MARCHF11: variants seen among roughly 807,000 people sequenced by gnomAD.
The protein encoded by MARCHF11 is E3 ubiquitin-protein ligase MARCHF11.
A neutral mutation model predicts 37.3 loss-of-function variants in MARCHF11; 29 were observed. That is an observed-to-expected ratio of 0.78 (90% CI 0.58 to 1.06). The LOEUF (loss-of-function observed/expected upper bound fraction) is 1.06, where lower values mean the gene tolerates loss of function less well. Among genes scored for constraint, MARCHF11 ranks in the 50% least tolerant of loss-of-function variants. The probability of loss-of-function intolerance (pLI) is 0.00; values close to 1 mark genes in which losing one functional copy is unlikely to be tolerated. For missense variants in MARCHF11, 482 were observed against 533.4 expected, an observed-to-expected ratio of 0.90 and a Z score of 0.95; for synonymous variants, 233 against 228.0, an observed-to-expected ratio of 1.02 and a Z score of -0.20.
In MARCHF11 at chr5:16,085,769, G is replaced by A. The variant is rs192538970; in HGVS notation, c.886+5120C>T. On this transcript the variant is annotated intron_variant, in intron 3 of 3. Coordinates refer to ENST00000332432, the MANE Select transcript of MARCHF11 (RefSeq NM_001102562.3). ...AGATCGAGATCATCCTGGCTAACAC[G>A]GTGAAACCCCGTCTCTACTAAAAAT... 1.6e-3 allele frequency among the ~76,000 whole-genome samples: 241 copies of A among 151,682 alleles called. 5 individuals carry two copies. The East Asian group carries it at 0.039, about 25-fold the overall frequency.
rs1460409134 is a variant in MARCHF11, at chr5:16,067,932, ATAT to A, written c.887-142_887-140del. ...AAAATACAGTATTCTGTTTACTCAAATATTATGGCTAATGGCAAGTTACTACCC... is the reference window on the plus strand; with the variant it reads ...AAAATACAGTATTCTGTTTACTCAAATATGGCTAATGGCAAGTTACTACCC... On this transcript the variant is annotated intron_variant, in intron 3 of 3. Coordinates refer to ENST00000332432, the MANE Select transcript of MARCHF11 (RefSeq NM_001102562.3). The A allele has an allele frequency of 5.2e-6, 4 of 773,104 alleles. No homozygotes were observed. The East Asian group carries it at 1.1e-4, about 21-fold the overall frequency. 47.9% of individuals were successfully genotyped at this position (773,104 alleles called of 1,614,324 possible).
intron 2 of MARCHF11, among the ~76,000 whole-genome samples, chr5:16,128,044 G>C (rs1474711699): frequency 6.6e-6 from 1 of 152,116 alleles, no homozygotes; most frequent in Non-Finnish European, 1.5e-5. Flanking sequence ...CCAGGTGCTA[G>C]TGCAGTCCCT....
intron 2 of MARCHF11, among the ~76,000 whole-genome samples, chr5:16,152,169 G>C (rs967844708): frequency 2.6e-5 from 4 of 151,826 alleles, no homozygotes; most frequent in African/African-American, 9.7e-5. Flanking sequence ...TCTCCCAAAT[G>C]CATTTTTTTG....
chr5:16,163,569 A>T lies in MARCHF11; in HGVS notation c.693+14157T>A, dbSNP rs140026123. 7.0e-4 allele frequency among the ~76,000 whole-genome samples: 107 copies of T among 152,210 alleles called. 1 individual carries two copies. The highest frequency in any genetic ancestry group is 2.1e-3 in the African/African-American group (88 of 41,568). On this transcript the variant is annotated intron_variant, in intron 2 of 3. Coordinates refer to ENST00000332432, the MANE Select transcript of MARCHF11 (RefSeq NM_001102562.3). ...AATCCAACTATATGCTTTTTGTAAG[A>T]GGCACACTTTATATGCAAAAATCAA...
Position 16,173,568 on chromosome 5 carries a change from T to C in MARCHF11, c.693+4158A>G, listed in dbSNP as rs564135697. On this transcript the variant is annotated intron_variant, in intron 2 of 3. Transcript: ENST00000332432. Reference sequence around the variant, plus strand: ...ACCTGCTTTTAAAAATGCTGATTCATTCATCATGGATGTCAACTGATTTGC... The same window carrying C: ...ACCTGCTTTTAAAAATGCTGATTCACTCATCATGGATGTCAACTGATTTGC... 4.6e-5 allele frequency among the ~76,000 whole-genome samples: 7 copies of C among 152,286 alleles called. No individual in the cohort carries two copies. The East Asian group carries it at 1.2e-3, about 25-fold the overall frequency.
At chr5:16,165,751 G>C (rs183840485) in intron 2 of MARCHF11, among the ~76,000 whole-genome samples, 1 of 152,156 alleles carries the variant, frequency 6.6e-6, no homozygotes, top group African/African-American at 2.4e-5. Context: ...AGTTATCACT[G>C]ATAATGTTAA....
intron 2 of MARCHF11, among the ~76,000 whole-genome samples, chr5:16,110,322 G>A (rs6554912): frequency 0.21 from 32,501 of 151,988 alleles, 3,741 homozygotes; most frequent in South Asian, 0.31. Context: ...ACATCATGTA[G>A]TGTCTATATT....
At chr5:16,122,884 C>G (rs1287523143) in intron 2 of MARCHF11, among the ~76,000 whole-genome samples, 1 of 152,152 alleles carries the variant, frequency 6.6e-6, no homozygotes, top group African/African-American at 2.4e-5. Context: ...GATACCTCCC[C>G]AGGAGCCACA....
chr5:16,165,495 G>C (rs1738153484), intron 2 of MARCHF11, among the ~76,000 whole-genome samples: 1 of 151,926 alleles, frequency 6.6e-6, no homozygotes, highest in Non-Finnish European at 1.5e-5. Flanking sequence ...ATTACATTTA[G>C]TCATCATATC....
intron 3 of MARCHF11, among the ~76,000 whole-genome samples, chr5:16,078,053 T>C (rs1339615668): frequency 6.6e-6 from 1 of 152,260 alleles, no homozygotes; most frequent in Non-Finnish European, 1.5e-5. Flanking sequence ...CTTCACTTTA[T>C]TGTTTATATA....
chr5:16,155,994 C>T (rs930077854), intron 2 of MARCHF11, among the ~76,000 whole-genome samples: 37 of 151,858 alleles, frequency 2.4e-4, no homozygotes, highest in African/African-American at 8.9e-4. Context: ...ATGTTTCAGT[C>T]CTGGAAATAA....
chr5:16,133,035 G>A (rs1737544549), intron 2 of MARCHF11, among the ~76,000 whole-genome samples: 1 of 151,552 alleles, frequency 6.6e-6, no homozygotes, highest in South Asian at 2.1e-4. Context: ...ACATATCTTA[G>A]AAAAAATAAT....
chr5:16,155,021 G>A (rs1737946060), intron 2 of MARCHF11, among the ~76,000 whole-genome samples: 1 of 151,794 alleles, frequency 6.6e-6, no homozygotes, highest in Non-Finnish European at 1.5e-5. Flanking sequence ...TGATGTGTCT[G>A]TAGGGTTTGA....
chr5:16,067,490 A>T lies in MARCHF11; in HGVS notation c.1190T>A (p.Met397Lys). 1.2e-6 allele frequency: 2 copies of T among 1,613,600 alleles called. No individual in the cohort carries two copies. Among genetic ancestry groups the T allele is most frequent in the Non-Finnish European group, 1.7e-6 (2 of 1,179,548 alleles). The change falls in exon 4 of 4, where the codon ATG becomes AAG. Residue 397 changes from methionine to lysine, a missense_variant. Transcript: ENST00000332432. Reference protein sequence around the residue: ...SEDNSSGEVVMRVTSV With the variant: ...SEDNSSGEVVKRVTSV The stretch of plus-strand genomic sequence containing the variant: ...CTTTTGTCACACTGAAGTCACTCTC[A>T]TCACAACCTCCCCCGAGCTGTTATC...
chr5:16,103,751 T>C (rs1448368135), intron 2 of MARCHF11, among the ~76,000 whole-genome samples: 1 of 152,122 alleles, frequency 6.6e-6, no homozygotes, highest in Non-Finnish European at 1.5e-5. Context: ...ACCTGGCAGT[T>C]TCTGTTTCCC....
At chr5:16,151,405 G>A (rs922037415) in intron 2 of MARCHF11, among the ~76,000 whole-genome samples, 1 of 151,918 alleles carries the variant, frequency 6.6e-6, no homozygotes, top group African/African-American at 2.4e-5. Context: ...TCATTGTCAA[G>A]TCAAAAAGTT....
rs369038640 is a variant in MARCHF11, at chr5:16,157,814, A to G, written c.693+19912T>C. On this transcript the variant is annotated intron_variant, in intron 2 of 3. Coordinates refer to ENST00000332432, the MANE Select transcript of MARCHF11 (RefSeq NM_001102562.3). ...GGAGATGATACCAAAAACACAAGCA[A>G]CAAAGTAAAAATAGACAGGAATTAC... 4.6e-5 allele frequency among the ~76,000 whole-genome samples: 7 copies of G among 151,956 alleles called. No individual in the cohort carries two copies. In the East Asian group the frequency reaches 9.7e-4, roughly 21 times the overall value.
At position 16,179,678 on chromosome 5, in the gene MARCHF11, G is replaced by A. The variant is rs1738442325; in HGVS notation, c.-103C>T. On this transcript the variant is annotated 5_prime_UTR_variant, in exon 1 of 4. Transcript: ENST00000332432. ...GGCGGGAGGGAGAGGGGAAAAGGAGGGAGGGGGCCCGGACGCCTGGGGCTA... is the reference window on the plus strand; with the variant it reads ...GGCGGGAGGGAGAGGGGAAAAGGAGAGAGGGGGCCCGGACGCCTGGGGCTA... The A allele has an allele frequency of 2.3e-6, 2 of 855,186 alleles. No individual in the cohort carries two copies. Among genetic ancestry groups the A allele is most frequent in the Non-Finnish European group, 2.9e-6 (2 of 685,868 alleles). The allele number at this position is 855,186 out of a possible 1,614,324, so 53.0% of individuals were successfully genotyped here. A position where few individuals can be genotyped will look rare whatever the true frequency, so the allele number is the denominator to read the frequency against.
intron 2 of MARCHF11, among the ~76,000 whole-genome samples, chr5:16,105,381 G>A (rs966544644): frequency 5.9e-5 from 9 of 152,194 alleles, no homozygotes; most frequent in Admixed American, 1.3e-4. Flanking sequence ...AAACAAATGC[G>A]TTTCTATGAG....
Sources: gnomAD v4.1 joint callset for allele counts (sites outside exome capture counted in the v4.1 genomes callset) on GRCh38, gnomAD v4.1.1 for gene constraint, MANE v1.5 for transcripts, NCBI Gene and HGNC (gene_info 2026-07-23, HGNC 2026-07-21) for gene names.